The following ATP11A variants were observed in gnomAD, a reference collection of about 807,000 sequenced individuals.
ATP11A encodes the protein phospholipid-transporting ATPase IH.
A neutral mutation model predicts 154.4 loss-of-function variants in ATP11A; 81 were observed. The observed-to-expected ratio is 0.52, with a 90% confidence interval of 0.44 to 0.63. The LOEUF (loss-of-function observed/expected upper bound fraction) is 0.63, where lower values mean the gene tolerates loss of function less well. Among genes scored for constraint, ATP11A ranks in the 30% least tolerant of loss-of-function variants. The probability of loss-of-function intolerance (pLI) is 0.00; values close to 1 mark genes in which losing one functional copy is unlikely to be tolerated. For missense variants in ATP11A, 1,316 were observed against 1,474.3 expected (o/e 0.89, Z 1.76); for synonymous variants, 623 against 585.9 (o/e 1.06, Z -0.91).
At chr13:112,863,909 GCAGCACGTGCAGCTTCCCAGC>G (rs2080220477) in intron 25 of ATP11A, among the ~76,000 whole-genome samples, 1 of 90,094 alleles carries the variant, frequency 1.1e-5, no homozygotes, top group Admixed American at 1.3e-4. Context: ...GTAATTCAGT[GCAGCACGTGCAGCTTCCCAGC>G]GGGGTCCATC....
chr13:112,722,886 AG>A (rs1215673546), intron 1 of ATP11A, among the ~76,000 whole-genome samples: 1 of 151,708 alleles, frequency 6.6e-6, no homozygotes, highest in African/African-American at 2.4e-5. Context: ...TCAGCCGGAA[AG>A]GCAGGATGAC....
chr13:112,772,335 C>T (rs1293297739), intron 1 of ATP11A, among the ~76,000 whole-genome samples: 3 of 152,160 alleles, frequency 2.0e-5, no homozygotes, highest in East Asian at 1.9e-4. Context: ...TGACCTGGAG[C>T]GGCTGCGGTG....
chr13:112,742,402 G>A lies in ATP11A; in HGVS notation c.40-42733G>A, dbSNP rs569315478. 1.1e-4 allele frequency among the ~76,000 whole-genome samples: 16 copies of A among 152,272 alleles called. No individual in the cohort carries two copies. The South Asian group carries it at 3.3e-3, about 32-fold the overall frequency. On this transcript the variant is annotated intron_variant, in intron 1 of 29. Coordinates refer to ENST00000375645, the MANE Select transcript of ATP11A (RefSeq NM_015205.3). ...CCACGGAGGAGCCCCTGCGGGCGCT[G>A]GTCTCTGTGGGAGACTGGGGTGTGA...
intron 2 of ATP11A, among the ~76,000 whole-genome samples, chr13:112,795,435 G>A (rs945101306): frequency 6.6e-6 from 1 of 152,118 alleles, no homozygotes; most frequent in African/African-American, 2.4e-5. Context: ...TCTGTGGCTC[G>A]TCTCCACTGT....
chr13:112,879,833 C>A lies in ATP11A; in HGVS notation c.*9+1530C>A, dbSNP rs78893452. 5.5e-3 allele frequency among the ~76,000 whole-genome samples: 834 copies of A among 152,340 alleles called. 9 individuals carry two copies. Among genetic ancestry groups the A allele is most frequent in the East Asian group, 0.039 (200 of 5,182 alleles). ...TGGATGGCTTTCTTTTAACCTGTTC[C>A]TACGGAAAAGAAAAGCATCACAGGC... On this transcript the variant is annotated intron_variant, in intron 29 of 29. Coordinates refer to ENST00000375645, the MANE Select transcript of ATP11A (RefSeq NM_015205.3).
intron 1 of ATP11A, among the ~76,000 whole-genome samples, chr13:112,691,797 C>T (rs1466255087): frequency 2.0e-5 from 3 of 151,962 alleles, no homozygotes; most frequent in Non-Finnish European, 4.4e-5. Flanking sequence ...TGCTTTCCCC[C>T]GGATTTATTT....
In ATP11A at chr13:112,704,743, G is replaced by A. The variant is rs543217789; in HGVS notation, c.39+14288G>A. On this transcript the variant is annotated intron_variant, in intron 1 of 29. Coordinates refer to ENST00000375645, the MANE Select transcript of ATP11A (RefSeq NM_015205.3). ...TTGCTCACCATTGCCTGGGAAGGAA[G>A]TGGCTGCCTAAATAATTAAATAATC... 2.0e-4 allele frequency among the ~76,000 whole-genome samples: 31 copies of A among 152,370 alleles called. 1 individual carries two copies. In the South Asian group the frequency reaches 5.6e-3, roughly 27 times the overall value.
intron 25 of ATP11A, among the ~76,000 whole-genome samples, chr13:112,867,334 T>A (rs888788008): frequency 6.6e-6 from 1 of 152,176 alleles, no homozygotes; most frequent in Non-Finnish European, 1.5e-5. Context: ...GCTCCAGACT[T>A]CATGGTGTTG....
rs1360481194 is a variant in ATP11A, at chr13:112,760,152, A to T, written c.40-24983A>T. On this transcript the variant is annotated intron_variant, in intron 1 of 29. Transcript: ENST00000375645. ...TTATAAACAAAACGTGAGTCTTTTC[A>T]TTTCTCAGTCTTCCGTGTAAGCAAT... Among the ~76,000 whole-genome samples, 3 of 152,240 alleles carry T rather than the reference A, an allele frequency of 2.0e-5. No homozygotes were observed. In the East Asian group the frequency reaches 5.8e-4, roughly 29 times the overall value.
intron 29 of ATP11A, among the ~76,000 whole-genome samples, chr13:112,879,205 A>C (rs1012695676): frequency 6.6e-6 from 1 of 152,260 alleles, no homozygotes; most frequent in Non-Finnish European, 1.5e-5. Context: ...TACCAAATGC[A>C]GCTTAGAAAA....
In ATP11A at chr13:112,875,812, C is replaced by T. The variant is rs1414599176; in HGVS notation, c.3198C>T (p.Phe1066=). 1 of 1,614,038 alleles carries T rather than the reference C, an allele frequency of 6.2e-7. No individual in the cohort carries two copies. Among genetic ancestry groups the T allele is most frequent in the Admixed American group, 1.7e-5 (1 of 60,036 alleles). ...FLNYQRMYYV[F]IQMLSSGPAW... ...ACTACCAGAGGATGTACTACGTGTT[C>T]ATCCAGATGCTGTCCAGCGGGCCCG... Residue 1066 remains phenylalanine (F), a synonymous_variant, in exon 28 of 30, where the codon TTC becomes TTT. Coordinates refer to ENST00000375645, the MANE Select transcript of ATP11A (RefSeq NM_015205.3). The surrounding 1 kb of genome is among the most constrained non-coding windows in gnomAD (Gnocchi z 4.1).
At chr13:112,806,818 C>A (rs575012739) in intron 4 of ATP11A, among the ~76,000 whole-genome samples, 5 of 152,284 alleles carry the variant, frequency 3.3e-5, no homozygotes, top group African/African-American at 1.2e-4. Context: ...TCCTCCCCGT[C>A]CCTGGCAAAG....
chr13:112,843,144 G>A (rs1414239858), intron 17 of ATP11A, among the ~76,000 whole-genome samples: 6 of 151,172 alleles, frequency 4.0e-5, no homozygotes, highest in East Asian at 3.9e-4. Context: ...GCTCTCTCCC[G>A]TCAGATGTCC....
At chr13:112,692,993 C>T (rs1885373276) in intron 1 of ATP11A, among the ~76,000 whole-genome samples, 1 of 152,170 alleles carries the variant, frequency 6.6e-6, no homozygotes, top group African/African-American at 2.4e-5. Flanking sequence ...TTCACATAGT[C>T]AGAATTCCTG....
At chr13:112,724,265 C>T (rs1889568627) in intron 1 of ATP11A, among the ~76,000 whole-genome samples, 1 of 151,636 alleles carries the variant, frequency 6.6e-6, no homozygotes, top group Non-Finnish European at 1.5e-5. Flanking sequence ...GGGCTCTGTC[C>T]CCCAAGACGG....
At chr13:112,730,124 G>T (rs184179717) in intron 1 of ATP11A, among the ~76,000 whole-genome samples, 11 of 152,350 alleles carry the variant, frequency 7.2e-5, no homozygotes, top group Non-Finnish European at 1.2e-4. Flanking sequence ...ACCCTTCGCA[G>T]CGGCCCACAT....
chr13:112,781,183 G>A (rs1266861085), intron 1 of ATP11A, among the ~76,000 whole-genome samples: 1 of 151,940 alleles, frequency 6.6e-6, no homozygotes, highest in Non-Finnish European at 1.5e-5. Flanking sequence ...GACTACAGGC[G>A]CCCACATGCC....
At chr13:112,803,867 TTGC>T in intron 2 of ATP11A, among the ~76,000 whole-genome samples, 1 of 67,294 alleles carries the variant, frequency 1.5e-5, no homozygotes. Flanking sequence ...CTTTTCCTCC[TTGC>T]TTCCCTTCCT....
chr13:112,806,156 C>T, intron 3 of ATP11A, 57 bp from the exon 4 acceptor site: 1 of 1,395,392 alleles, frequency 7.2e-7, no homozygotes, highest in Non-Finnish European at 1.0e-6. Context: ...AACTAACCTG[C>T]CTGAAGTCAC....
Sources: gnomAD v4.1 joint callset for allele counts (sites outside exome capture counted in the v4.1 genomes callset) on GRCh38, gnomAD v4.1.1 for gene constraint, Gnocchi (gnomAD v3.1) non-coding constraint, MANE v1.5 for transcripts, NCBI Gene and HGNC (gene_info 2026-07-23, HGNC 2026-07-21) for gene names.